The following PRKG1 variants were observed in gnomAD, a reference collection of about 807,000 sequenced individuals.
PRKG1 encodes protein kinase cGMP-dependent 1.
PRKG1 carries 35 observed loss-of-function variants against 88.1 expected under a neutral mutation model. That is an observed-to-expected ratio of 0.40 (90% CI 0.30 to 0.53). PRKG1 has a LOEUF of 0.53. Among genes scored for constraint, PRKG1 ranks in the 20% least tolerant of loss-of-function variants. The pLI, the probability that PRKG1 is intolerant of heterozygous loss-of-function variation, is 0.59. For missense variants in PRKG1, 540 were observed against 839.8 expected, an observed-to-expected ratio of 0.64 and a Z score of 4.41; for synonymous variants, 303 against 292.5, an observed-to-expected ratio of 1.04 and a Z score of -0.37.
intron 1 of PRKG1, among the ~76,000 whole-genome samples, chr10:51,129,400 G>A (rs555566105): frequency 1.3e-5 from 2 of 151,654 alleles, no homozygotes; most frequent in South Asian, 2.1e-4. Flanking sequence ...AGCCAAGATC[G>A]TGCCACCACA....
chr10:52,049,467 A>T (rs1198097199), intron 5 of PRKG1, among the ~76,000 whole-genome samples: 1 of 152,166 alleles, frequency 6.6e-6, no homozygotes, highest in African/African-American at 2.4e-5. Context: ...ACCACAATAA[A>T]TTGTTTATGA....
rs559545422 is a variant in PRKG1 at position 52,193,007 on chromosome 10, A to G, written c.1076+31044A>G. On this transcript the variant is annotated intron_variant, in intron 9 of 17. Transcript: ENST00000373980. ...TGCTGGGGTCTCTTCCCTTTGGCCT[A>G]TAATATTTTTAGTTGGCAGGAAGTG... 1.4e-4 allele frequency among the ~76,000 whole-genome samples: 22 copies of G among 152,162 alleles called. No individual in the cohort carries two copies. The South Asian group carries it at 4.6e-3, about 32-fold the overall frequency.
chr10:51,668,410 T>G (rs977394470), intron 3 of PRKG1, among the ~76,000 whole-genome samples: 6 of 152,196 alleles, frequency 3.9e-5, no homozygotes, highest in Non-Finnish European at 8.8e-5. Flanking sequence ...TCAAACAATT[T>G]GTTTTGTTTT....
chr10:52,251,946 T>A (rs1444222283), intron 10 of PRKG1: 8 of 251,016 alleles, frequency 3.2e-5, no homozygotes, highest in African/African-American at 1.8e-4. Context: ...GAAGAGTCAT[T>A]AAGAACTTCT....
At chr10:51,114,437 C>CTG (rs58190244) in intron 1 of PRKG1, among the ~76,000 whole-genome samples, 9 of 150,168 alleles carry the variant, frequency 6.0e-5, no homozygotes, top group Non-Finnish European at 1.0e-4. Flanking sequence ...ATGAGTGACT[C>CTG]TGTGTGTGTG....
At chr10:51,279,205 G>C (rs1354647997) in intron 2 of PRKG1, among the ~76,000 whole-genome samples, 1 of 152,088 alleles carries the variant, frequency 6.6e-6, no homozygotes, top group Non-Finnish European at 1.5e-5. Flanking sequence ...CCTTCATTTT[G>C]TTATGTACCC....
chr10:52,261,482 G>C (rs866332691), intron 10 of PRKG1, among the ~76,000 whole-genome samples: 8 of 152,016 alleles, frequency 5.3e-5, no homozygotes, highest in Non-Finnish European at 8.8e-5. Flanking sequence ...GTGTGAGTGT[G>C]TGTGTGTGTA....
chr10:52,030,561 T>G (rs10733892), intron 5 of PRKG1, among the ~76,000 whole-genome samples: 148,336 of 152,240 alleles, frequency 0.97, 72,379 homozygotes, highest in East Asian at 1. Flanking sequence ...TCAGGATGCT[T>G]CTAATTAAGT....
intron 2 of PRKG1, among the ~76,000 whole-genome samples, chr10:51,374,249 C>T: frequency 6.7e-6 from 1 of 149,194 alleles, no homozygotes; most frequent in Admixed American, 6.7e-5. Flanking sequence ...ACCCCCACCC[C>T]CAACCCCCGA....
intron 9 of PRKG1, among the ~76,000 whole-genome samples, chr10:52,167,758 G>T (rs1237460755): frequency 3.3e-5 from 5 of 152,122 alleles, no homozygotes. Flanking sequence ...TAGTTCAGCT[G>T]CCCTAGGCTC....
At chr10:51,005,775 G>A (rs1842934954) in intron 1 of PRKG1, among the ~76,000 whole-genome samples, 1 of 152,212 alleles carries the variant, frequency 6.6e-6, no homozygotes, top group Admixed American at 6.5e-5. Flanking sequence ...TGGAAGAGCT[G>A]CTCAGAGTGC....
chr10:52,070,573 C>T (rs1846471476), intron 7 of PRKG1, among the ~76,000 whole-genome samples: 1 of 151,932 alleles, frequency 6.6e-6, no homozygotes, highest in Non-Finnish European at 1.5e-5. Flanking sequence ...ATATTCTTTC[C>T]CCCGCTTTCT....
intron 3 of PRKG1, among the ~76,000 whole-genome samples, chr10:51,570,054 T>C (rs1200245248): frequency 7.0e-6 from 1 of 143,474 alleles, no homozygotes; most frequent in Non-Finnish European, 1.5e-5. Flanking sequence ...AACTAGTATA[T>C]ATATATATAT....
rs746950388 is a variant in PRKG1, at chr10:51,412,180, T to TGAGAGA, written c.479-55514_479-55509dup. Among the ~76,000 whole-genome samples the TGAGAGA allele has an allele frequency of 6.2e-3, 773 of 125,310 alleles. 3 individuals are homozygous for TGAGAGA. Among genetic ancestry groups the TGAGAGA allele is most frequent in the African/African-American group, 0.011 (348 of 32,898 alleles). The allele number at this position is 125,310 out of a possible 152,430, so 82.2% of individuals were successfully genotyped here. A position where few individuals can be genotyped will look rare whatever the true frequency, so the allele number is the denominator to read the frequency against. The stretch of plus-strand genomic sequence containing the variant: ...ACCAAGCTGATTAAAGGAGAGAGAG[T>TGAGAGA]GAGAGAGAGAGAGAGAGAGAGAGAG... On this transcript the variant is annotated intron_variant, in intron 2 of 17. Transcript: ENST00000373980.
chr10:51,433,396 T>C (rs1838827085), intron 2 of PRKG1, among the ~76,000 whole-genome samples: 1 of 152,122 alleles, frequency 6.6e-6, no homozygotes, highest in Non-Finnish European at 1.5e-5. Context: ...TCTAGTACCC[T>C]CTTGGAGCCT....
chr10:51,238,055 T>C (rs1325113480), intron 2 of PRKG1, among the ~76,000 whole-genome samples: 1 of 152,198 alleles, frequency 6.6e-6, no homozygotes, highest in East Asian at 1.9e-4. Context: ...TTACATATTC[T>C]TCTATTAAAA....
intron 2 of PRKG1, among the ~76,000 whole-genome samples, chr10:51,269,663 A>C (rs982258153): frequency 6.6e-6 from 1 of 152,140 alleles, no homozygotes; most frequent in Non-Finnish European, 1.5e-5. Flanking sequence ...AAGCTAAACT[A>C]TGAGGGTACA....
At chr10:51,401,071 G>T (rs1206231501) in intron 2 of PRKG1, among the ~76,000 whole-genome samples, 1 of 152,198 alleles carries the variant, frequency 6.6e-6, no homozygotes, top group Non-Finnish European at 1.5e-5. Flanking sequence ...AGCTATGTAT[G>T]TAACGTTAAA....
At chr10:52,230,446 T>C (rs1414488697) in intron 9 of PRKG1, among the ~76,000 whole-genome samples, 1 of 152,238 alleles carries the variant, frequency 6.6e-6, no homozygotes, top group Non-Finnish European at 1.5e-5. Flanking sequence ...TTTATTAATA[T>C]TTATGATAAC....
Sources: gnomAD v4.1 joint callset for allele counts (sites outside exome capture counted in the v4.1 genomes callset) on GRCh38, gnomAD v4.1.1 for gene constraint, MANE v1.5 for transcripts, NCBI Gene and HGNC (gene_info 2026-07-23, HGNC 2026-07-21) for gene names.